CLPTM1: variants seen among roughly 807,000 people sequenced by gnomAD.
CLPTM1 encodes the protein CLPTM1 regulator of GABA type A receptor forward trafficking, also known as putative lipid scramblase CLPTM1.
Under a neutral mutation model 77.3 loss-of-function variants are expected in CLPTM1, and 21 were observed. That is an observed-to-expected ratio of 0.27 (90% CI 0.19 to 0.39). The LOEUF (loss-of-function observed/expected upper bound fraction) is 0.39. Ranked by LOEUF, CLPTM1 falls within the 10% of genes least tolerant of loss-of-function variation. The pLI is 1.00. For synonymous variants in CLPTM1, 373 were observed against 381.0 expected, an observed-to-expected ratio of 0.98 and a Z score of 0.24; for missense variants, 642 against 921.2, an observed-to-expected ratio of 0.70 and a Z score of 3.92.
chr19:44,975,980 A>G (rs1970800340), intron 4 of CLPTM1, among the ~76,000 whole-genome samples: 2 of 152,130 alleles, frequency 1.3e-5, no homozygotes, highest in African/African-American at 4.8e-5. Flanking sequence ...TTTTCACCTC[A>G]GCCTCCCAAG....
chr19:44,989,728 G>C (rs972568028), intron 9 of CLPTM1, among the ~76,000 whole-genome samples: 6 of 152,178 alleles, frequency 3.9e-5, no homozygotes. Context: ...GCCTCCTGTG[G>C]CTGCGGTTAG....
intron 2 of CLPTM1, among the ~76,000 whole-genome samples, chr19:44,966,826 C>T (rs1430248526): frequency 2.6e-5 from 4 of 151,918 alleles, no homozygotes; most frequent in Non-Finnish European, 5.9e-5. Flanking sequence ...CACAGTAAGA[C>T]CCCCATCTCT....
Position 44,980,525 on chromosome 19 carries a change from AAAG to A in CLPTM1, c.586+3068_586+3070del, listed in dbSNP as rs1263017210. On this transcript the variant is annotated intron_variant, in intron 5 of 13. Transcript: ENST00000337392. Reference sequence around the variant, plus strand: ...CTCCATCTCAAAAAAAAAAAAAAAAAAAGAAAAGAAAAGCCCCTTTTATCCCCA... The same window carrying A: ...CTCCATCTCAAAAAAAAAAAAAAAAAAAAAGAAAAGCCCCTTTTATCCCCA... Among the ~76,000 whole-genome samples, 371 of 150,956 alleles carry A rather than the reference AAAG, an allele frequency of 2.5e-3. 3 individuals are homozygous for A. Among genetic ancestry groups the A allele is most frequent in the African/African-American group, 8.6e-3 (351 of 40,968 alleles).
intron 1 of CLPTM1, among the ~76,000 whole-genome samples, chr19:44,959,175 C>T (rs1312298929): frequency 6.6e-6 from 1 of 150,820 alleles, no homozygotes; most frequent in Non-Finnish European, 1.5e-5. Flanking sequence ...AATAATGCTG[C>T]TATGAACATT....
upstream of CLPTM1, chr19:44,954,600 G>A: frequency 1.9e-6 from 2 of 1,035,308 alleles, no homozygotes; most frequent in Non-Finnish European, 2.3e-6. Flanking sequence ...CAAACTAAGG[G>A]TCTCTCAGCA....
Position 44,966,998 on chromosome 19 carries a change from C to T in CLPTM1, c.185+4923C>T, listed in dbSNP as rs138657512. 6.8e-3 allele frequency among the ~76,000 whole-genome samples: 1,031 copies of T among 152,158 alleles called. 68 individuals are homozygous for T. In the East Asian group the frequency reaches 0.15, roughly 23 times the overall value. ...CTGGGACTACAGGCGCCCGCCACAG[C>T]GCCCGGCTAATTTTTTGTATTTTTA... On this transcript the variant is annotated intron_variant, in intron 2 of 13. Transcript: ENST00000337392.
intron 2 of CLPTM1, among the ~76,000 whole-genome samples, chr19:44,967,657 C>CAAA (rs35893621): frequency 7.4e-6 from 1 of 135,414 alleles, no homozygotes. Flanking sequence ...AACTCTGTCC[C>CAAA]AAAAAAAAAA....
At chr19:44,965,657 CA>C (rs1970617196) in intron 2 of CLPTM1, among the ~76,000 whole-genome samples, 1 of 149,930 alleles carries the variant, frequency 6.7e-6, no homozygotes, top group African/African-American at 2.5e-5. Flanking sequence ...ACTGAAAATA[CA>C]AAAAAATTAG....
rs2122343826 is a variant in CLPTM1 at position 44,992,126 on chromosome 19, T to A, written c.1556-107T>A. The A allele has an allele frequency of 8.6e-7, 1 of 1,161,616 alleles. No homozygotes were observed. Among genetic ancestry groups the A allele is most frequent in the Middle Eastern group, 2.1e-4 (1 of 4,832 alleles). 72.0% of individuals were successfully genotyped at this position (1,161,616 alleles called of 1,614,324 possible). ...TGCCCAGGTATAGGAAGTGGTAGAG[T>A]GTGCCCAGGTGTAGGAAGTGGTGAG... On this transcript the variant is annotated intron_variant, in intron 12 of 13. Coordinates refer to ENST00000337392, the MANE Select transcript of CLPTM1 (RefSeq NM_001294.4). The surrounding 1 kb of genome is among the most constrained non-coding windows in gnomAD (Gnocchi z 7.7).
chr19:44,962,787 T>G (rs914999062), intron 2 of CLPTM1, among the ~76,000 whole-genome samples: 1 of 151,388 alleles, frequency 6.6e-6, no homozygotes, highest in Non-Finnish European at 1.5e-5. Flanking sequence ...AAAATCTGGC[T>G]GGGCACGGTG....
chr19:44,954,822 A>C (rs1970431012), upstream of CLPTM1: 4 of 1,221,268 alleles, frequency 3.3e-6, no homozygotes, highest in South Asian at 3.3e-5. Flanking sequence ...TGGAACTCTA[A>C]AAACACAGAA....
Position 44,991,229 on chromosome 19 carries a change from G to A in CLPTM1, c.1420-9G>A. 1 of 1,613,814 alleles carries A rather than the reference G, an allele frequency of 6.2e-7. No individual in the cohort carries two copies. The highest frequency in any genetic ancestry group is 8.5e-7 in the Non-Finnish European group (1 of 1,179,868). The stretch of plus-strand genomic sequence containing the variant: ...AGCTGGCTGACAGCCCCACCCTGTG[G>A]CCCCACAGATGGCATTCCGGTACCT... On this transcript the variant is annotated splice_polypyrimidine_tract_variant and intron_variant, in intron 11 of 13. Transcript: ENST00000337392. This position sits in a 1 kb window ranked among gnomAD's most constrained non-coding sequence, Gnocchi z 5.4.
At chr19:44,989,108 G>C (rs958097951) in intron 9 of CLPTM1, among the ~76,000 whole-genome samples, 8 of 152,130 alleles carry the variant, frequency 5.3e-5, no homozygotes, top group African/African-American at 1.9e-4. Flanking sequence ...CAAGGCTGCC[G>C]TGAGCCATGA....
chr19:44,963,068 T>C (rs111997200), intron 2 of CLPTM1, among the ~76,000 whole-genome samples: 78,218 of 149,688 alleles, frequency 0.52, 21,010 homozygotes, highest in African/African-American at 0.62. Flanking sequence ...ATTAGCTGGG[T>C]GTGGTGGCAC....
In CLPTM1 at chr19:44,990,977, TGGTCTCCA is replaced by T; in HGVS notation, c.1419+36_1419+43del. 1 of 1,411,200 alleles carries T rather than the reference TGGTCTCCA, an allele frequency of 7.1e-7. No individual in the cohort carries two copies. The highest frequency in any genetic ancestry group is 3.0e-5 in the African/African-American group (1 of 32,862). 87.4% of individuals were successfully genotyped at this position (1,411,200 alleles called of 1,614,324 possible). ...GTCCTGCACAGTGGGCCCCTGGGGG[TGGTCTCCA>T]GGTACCACGTATCCCTGAGGCACCC... On this transcript the variant is annotated intron_variant, in intron 11 of 13. Coordinates refer to ENST00000337392, the MANE Select transcript of CLPTM1 (RefSeq NM_001294.4). The surrounding 1 kb of genome is among the most constrained non-coding windows in gnomAD (Gnocchi z 4.8).
intron 2 of CLPTM1, among the ~76,000 whole-genome samples, chr19:44,962,494 C>G (rs1322239970): frequency 6.6e-5 from 10 of 152,128 alleles, no homozygotes; most frequent in Admixed American, 6.5e-4. Flanking sequence ...CTCTCCTGGG[C>G]TTGCAGAAGG....
chr19:44,956,096 C>T lies in CLPTM1; in HGVS notation c.72+629C>T, dbSNP rs116187299. On this transcript the variant is annotated intron_variant, in intron 1 of 13. Coordinates refer to ENST00000337392, the MANE Select transcript of CLPTM1 (RefSeq NM_001294.4). ...TAGTCCTGGTGCGGATGACTTCTGCCCCACTGCTGTCTTAACACACTGCAG... is the reference window on the plus strand; with the variant it reads ...TAGTCCTGGTGCGGATGACTTCTGCTCCACTGCTGTCTTAACACACTGCAG... Among the ~76,000 whole-genome samples the T allele has an allele frequency of 5.0e-3, 767 of 152,218 alleles. 7 individuals carry two copies. The highest frequency in any genetic ancestry group is 0.017 in the African/African-American group (714 of 41,514).
chr19:44,981,969 C>T (rs933470566), intron 5 of CLPTM1, among the ~76,000 whole-genome samples: 3 of 151,950 alleles, frequency 2.0e-5, no homozygotes, highest in Non-Finnish European at 4.4e-5. Context: ...TTTAATTGAG[C>T]TCAACATATT....
chr19:44,977,329 TC>T lies in CLPTM1; in HGVS notation c.469-12del. On this transcript the variant is annotated splice_polypyrimidine_tract_variant and intron_variant, in intron 4 of 13. Transcript: ENST00000337392. ...GTTGCCCAGCCTGCCCACCTGACCTTCCGTCTTTTGCAGAGCGTCCAGCAGA... is the reference window on the plus strand; with the variant it reads ...GTTGCCCAGCCTGCCCACCTGACCTTCGTCTTTTGCAGAGCGTCCAGCAGA... The T allele has an allele frequency of 6.2e-7, 1 of 1,602,186 alleles. No individual in the cohort carries two copies. The highest frequency in any genetic ancestry group is 8.5e-7 in the Non-Finnish European group (1 of 1,175,422).
Sources: gnomAD v4.1 joint callset for allele counts (sites outside exome capture counted in the v4.1 genomes callset) on GRCh38, gnomAD v4.1.1 for gene constraint, Gnocchi (gnomAD v3.1) non-coding constraint, MANE v1.5 for transcripts, NCBI Gene and HGNC (gene_info 2026-07-23, HGNC 2026-07-21) for gene names.